The following CPM variants were observed in gnomAD, a reference collection of about 807,000 sequenced individuals.
CPM encodes carboxypeptidase M, also known as renal carboxypeptidase.
Under a neutral mutation model 46.4 loss-of-function variants are expected in CPM, and 35 were observed. The ratio of observed to expected loss-of-function variants is 0.75; its 90% CI spans 0.58 to 1.00. The LOEUF (loss-of-function observed/expected upper bound fraction) is 1.00. Ranked by LOEUF, CPM falls within the 50% of genes least tolerant of loss-of-function variation. The probability of loss-of-function intolerance (pLI) is 0.00; values close to 1 mark genes in which losing one functional copy is unlikely to be tolerated. For missense variants in CPM, 422 were observed against 530.4 expected (o/e 0.80, Z 2.01); for synonymous variants, 195 against 195.3 (o/e 1.00, Z 0.01).
chr12:68,875,889 C>T (rs1305241106), intron 3 of CPM, among the ~76,000 whole-genome samples: 1 of 151,616 alleles, frequency 6.6e-6, no homozygotes, highest in East Asian at 1.9e-4. Flanking sequence ...TTTAGTTTCA[C>T]TTCAGTTTTA....
chr12:68,931,277 A>T (rs879814518), intron 2 of CPM, among the ~76,000 whole-genome samples: 1 of 152,194 alleles, frequency 6.6e-6, no homozygotes, highest in Non-Finnish European at 1.5e-5. Context: ...TATGGTAATT[A>T]TGAGACTCTC....
In CPM at chr12:68,888,708, T is replaced by C. The variant is rs183153291; in HGVS notation, c.161-2819A>G. Among the ~76,000 whole-genome samples the C allele has an allele frequency of 2.0e-5, 3 of 152,340 alleles. No individual in the cohort carries two copies. The East Asian group carries it at 5.8e-4, about 29-fold the overall frequency. ...CTATAACAGGTGTTCTAAAGAGTTC[T>C]GAAGTACTCAGCCACTCTCTCTCCA... On this transcript the variant is annotated intron_variant, in intron 2 of 8. Transcript: ENST00000551568.
intron 2 of CPM, among the ~76,000 whole-genome samples, chr12:68,915,275 C>T (rs1232238210): frequency 1.3e-5 from 2 of 152,068 alleles, no homozygotes; most frequent in East Asian, 1.9e-4. Flanking sequence ...TTCCAGTGAG[C>T]ACAAATTAAG....
chr12:68,867,120 G>A (rs774778257), intron 6 of CPM, 72 bp from the exon 7 acceptor site: 14 of 1,451,476 alleles, frequency 9.6e-6, no homozygotes, highest in African/African-American at 4.2e-5. Context: ...GTGCCTCGGG[G>A]ACAAATGAAT....
rs759455218 is a variant in CPM at position 68,870,249 on chromosome 12, G to A, written c.582C>T (p.Leu194=). The A allele has an allele frequency of 3.2e-5, 51 of 1,613,908 alleles. No individual in the cohort carries two copies. Among genetic ancestry groups the A allele is most frequent in the South Asian group, 6.6e-5 (6 of 91,058 alleles). ...CATTATCAAATGGGTAACTGGCCAC[G>A]AGGGCACCACCATGGAGGTTTGCAG... is the stretch of plus-strand genomic sequence containing the variant. ...VLSANLHGGA[L]VASYPFDNGV... Residue 194 remains leucine, a synonymous_variant, in exon 5 of 9, where the codon CTC becomes CTT. Transcript: ENST00000551568.
intron 1 of CPM, among the ~76,000 whole-genome samples, chr12:68,944,394 A>G (rs1249735884): frequency 6.6e-6 from 1 of 152,148 alleles, no homozygotes; most frequent in Non-Finnish European, 1.5e-5. Flanking sequence ...GAGACATACT[A>G]TCAGAACGTA....
chr12:68,894,586 C>A (rs550272674), intron 2 of CPM, among the ~76,000 whole-genome samples: 2 of 152,154 alleles, frequency 1.3e-5, no homozygotes, highest in Non-Finnish European at 2.9e-5. Flanking sequence ...GATTTTCTGC[C>A]TTTTAAAATC....
intron 3 of CPM, among the ~76,000 whole-genome samples, chr12:68,881,942 G>GC (rs1210256829): frequency 1.3e-5 from 2 of 149,068 alleles, no homozygotes; most frequent in East Asian, 4.0e-4. Flanking sequence ...GGCTGGTCTT[G>GC]AACTCCTAAA....
intron 3 of CPM, among the ~76,000 whole-genome samples, chr12:68,881,466 T>C (rs1243608592): frequency 6.6e-6 from 1 of 152,192 alleles, no homozygotes; most frequent in Non-Finnish European, 1.5e-5. Flanking sequence ...TTTAGAGACA[T>C]TTGAGGACAA....
intron 2 of CPM, among the ~76,000 whole-genome samples, chr12:68,905,608 T>C (rs909112182): frequency 2.0e-5 from 3 of 152,088 alleles, no homozygotes; most frequent in Non-Finnish European, 2.9e-5. Context: ...AGGTATTTTA[T>C]ATAGTCTTTT....
intron 2 of CPM, among the ~76,000 whole-genome samples, chr12:68,915,351 G>C (rs1313468833): frequency 6.6e-6 from 1 of 152,152 alleles, no homozygotes; most frequent in Non-Finnish European, 1.5e-5. Context: ...GTATGTACAA[G>C]GGAAGTCTCA....
chr12:68,870,488 G>T (rs148803092), intron 4 of CPM, 89 bp from the exon 5 acceptor site: 1 of 1,200,142 alleles, frequency 8.3e-7, no homozygotes, highest in African/African-American at 1.5e-5. Flanking sequence ...TAGGCTCCAG[G>T]TGTCTTTCCA....
intron 5 of CPM, 75 bp from the exon 6 acceptor site, chr12:68,869,570 A>G: frequency 7.4e-7 from 1 of 1,349,804 alleles, no homozygotes; most frequent in Non-Finnish European, 1.0e-6. Context: ...ATATTAGCAA[A>G]GACATAATCG....
chr12:68,880,618 T>A (rs570768203), intron 3 of CPM, among the ~76,000 whole-genome samples: 2 of 151,080 alleles, frequency 1.3e-5, no homozygotes, highest in Admixed American at 6.6e-5. Flanking sequence ...GAAGAGAGAG[T>A]AAAGGAGTGG....
At chr12:68,872,630 GT>G (rs1885759640) in intron 3 of CPM, among the ~76,000 whole-genome samples, 2 of 152,128 alleles carry the variant, frequency 1.3e-5, no homozygotes, top group African/African-American at 4.8e-5. Flanking sequence ...AAGAGGTTGA[GT>G]TACAGAGAAG....
intron 3 of CPM, among the ~76,000 whole-genome samples, chr12:68,873,209 T>C (rs1885788123): frequency 1.3e-5 from 2 of 152,186 alleles, no homozygotes; most frequent in African/African-American, 2.4e-5. Context: ...AAAGATTTCA[T>C]GGAGCCTCAG....
Position 68,865,336 on chromosome 12 carries a change from G to A in CPM, c.940+1560C>T, listed in dbSNP as rs147755596. Among the ~76,000 whole-genome samples, 4 of 152,282 alleles carry A rather than the reference G, an allele frequency of 2.6e-5. No individual in the cohort carries two copies. The East Asian group carries it at 7.7e-4, about 29-fold the overall frequency. On this transcript the variant is annotated intron_variant, in intron 7 of 8. Transcript: ENST00000551568. ...CAGCCAGTTAGACATAGCCCTGTGA[G>A]TTTACCAGTAATCTTTGTGTACTTC... is the stretch of plus-strand genomic sequence containing the variant.
intron 2 of CPM, among the ~76,000 whole-genome samples, chr12:68,922,350 G>C (rs1888071937): frequency 6.6e-6 from 1 of 152,212 alleles, no homozygotes; most frequent in South Asian, 2.1e-4. Context: ...CTTTAGTTGT[G>C]ATTTTTAAGT....
At chr12:68,916,079 G>A (rs1887792008) in intron 2 of CPM, among the ~76,000 whole-genome samples, 1 of 152,188 alleles carries the variant, frequency 6.6e-6, no homozygotes, top group Non-Finnish European at 1.5e-5. Context: ...TCCCTCTCAT[G>A]TTCCTGCTCA....
Sources: allele counts gnomAD v4.1 joint callset (sites outside exome capture counted in the v4.1 genomes callset), GRCh38; gene constraint gnomAD v4.1.1; transcripts MANE v1.5; gene names NCBI Gene and HGNC (gene_info 2026-07-23, HGNC 2026-07-21).